MYCBP2: variants seen among roughly 807,000 people sequenced by gnomAD.
The protein encoded by MYCBP2 is MYC binding protein 2.
In MYCBP2, 120 loss-of-function variants were observed where a neutral mutation model predicts 525.3. The observed-to-expected ratio is 0.23, with a 90% confidence interval of 0.20 to 0.27. The LOEUF (loss-of-function observed/expected upper bound fraction) is 0.27. Ranked by LOEUF, MYCBP2 falls within the 10% of genes least tolerant of loss-of-function variation. The probability of loss-of-function intolerance (pLI) is 1.00; values close to 1 mark genes in which losing one functional copy is unlikely to be tolerated. For synonymous variants in MYCBP2, 1,894 were observed against 1,955.8 expected, an observed-to-expected ratio of 0.97 and a Z score of 0.83; for missense variants, 4,149 against 5,657.1, an observed-to-expected ratio of 0.73 and a Z score of 8.55.
chr13:77,228,766 C>T lies in MYCBP2; in HGVS notation c.2738-3212G>A, dbSNP rs180970749. Among the ~76,000 whole-genome samples the T allele has an allele frequency of 3.0e-4, 45 of 150,952 alleles. No individual in the cohort carries two copies. In the East Asian group the frequency reaches 7.6e-3, roughly 25 times the overall value. On this transcript the variant is annotated intron_variant, in intron 18 of 82. Transcript: ENST00000544440. ...ACTGAAACTACAGTAGCTACAAAGC[C>T]TTGGCAACTATGTAACTAAAATATT...
chr13:77,251,010 T>C, intron 15 of MYCBP2, 141 bp downstream of exon 15: 2 of 572,218 alleles, frequency 3.5e-6, no homozygotes, highest in South Asian at 2.7e-5. Context: ...TTATAATACT[T>C]TCTTGGCCTT....
At chr13:77,187,692 C>CA (rs1421734553) in intron 30 of MYCBP2, among the ~76,000 whole-genome samples, 2 of 152,116 alleles carry the variant, frequency 1.3e-5, no homozygotes, top group African/African-American at 4.8e-5. Flanking sequence ...AAGAAACAAG[C>CA]AAGCATGTTG....
intron 58 of MYCBP2, among the ~76,000 whole-genome samples, chr13:77,095,065 C>T (rs903877181): frequency 6.6e-6 from 1 of 152,138 alleles, no homozygotes; most frequent in South Asian, 2.1e-4. Flanking sequence ...TTCGCACTAA[C>T]AGAGTGAAGT....
intron 14 of MYCBP2, among the ~76,000 whole-genome samples, chr13:77,251,809 A>C (rs1419198387): frequency 6.6e-6 from 1 of 152,160 alleles, no homozygotes; most frequent in African/African-American, 2.4e-5. Flanking sequence ...TCTTCAGAAG[A>C]ACAAAACTCA....
chr13:77,061,870 C>CA, intron 74 of MYCBP2, 80 bp from the exon 75 acceptor site: 1 of 1,332,202 alleles, frequency 7.5e-7, no homozygotes, highest in East Asian at 2.6e-5. Flanking sequence ...AATTTATTTA[C>CA]AAAAATAAAC....
chr13:77,304,934 T>A (rs2079220155), intron 1 of MYCBP2, among the ~76,000 whole-genome samples: 1 of 151,652 alleles, frequency 6.6e-6, no homozygotes, highest in Non-Finnish European at 1.5e-5. Context: ...AAATGTAACT[T>A]CTCAACATTA....
rs1418819949 is a variant in MYCBP2, at chr13:77,217,941, C to T, written c.2956G>A (p.Val986Ile). ...DVNSRGCPTL[V>I]QALPGPSTQV... ...GTGCTAGGGCCTGGCAATGCTTGAA[C>T]AAGAGTGGGACATCCCCTAGGTTAA... The change falls in exon 21 of 83, where the codon GTT becomes ATT. Residue 986 changes from valine (V) to isoleucine (I), a missense_variant. Val to Ile is a conservative substitution (Grantham distance 29, BLOSUM62 3). Coordinates refer to ENST00000544440, the MANE Select transcript of MYCBP2 (RefSeq NM_015057.5). The T allele has an allele frequency of 2.4e-5, 39 of 1,600,680 alleles. No individual in the cohort carries two copies. Among genetic ancestry groups the T allele is most frequent in the Non-Finnish European group, 3.3e-5 (39 of 1,173,960 alleles).
intron 52 of MYCBP2, among the ~76,000 whole-genome samples, chr13:77,130,107 ATC>A (rs1431555168): frequency 3.3e-5 from 5 of 151,802 alleles, no homozygotes; most frequent in Admixed American, 2.6e-4. Context: ...ATCTATATTT[ATC>A]TGATTTGAAA....
intron 55 of MYCBP2, among the ~76,000 whole-genome samples, chr13:77,117,615 T>C (rs1223207502): frequency 6.6e-6 from 1 of 152,142 alleles, no homozygotes; most frequent in Non-Finnish European, 1.5e-5. Flanking sequence ...GCTGAAACTT[T>C]CATAAACTAG....
intron 24 of MYCBP2, 73 bp from the exon 25 acceptor site, chr13:77,205,671 T>C (rs1300497997): frequency 7.9e-7 from 1 of 1,271,656 alleles, no homozygotes; most frequent in African/African-American, 1.5e-5. Flanking sequence ...CATTAAATGC[T>C]ATAGGGGATA....
chr13:77,287,109 G>C (rs760017400), intron 3 of MYCBP2, among the ~76,000 whole-genome samples: 18 of 150,730 alleles, frequency 1.2e-4, no homozygotes, highest in Admixed American at 9.2e-4. Flanking sequence ...GGATGGTCTC[G>C]ATCTCCTGAC....
intron 34 of MYCBP2, among the ~76,000 whole-genome samples, chr13:77,178,767 C>T (rs1172530572): frequency 6.6e-6 from 1 of 152,118 alleles, no homozygotes; most frequent in East Asian, 1.9e-4. Flanking sequence ...TGTGGGAACT[C>T]CCAAAGTTGT....
Position 77,081,528 on chromosome 13 carries a change from C to G in MYCBP2, c.11317G>C (p.Asp3773His), listed in dbSNP as rs908440516. Residue 3773 changes from aspartate (D) to histidine (H), a missense_variant, in exon 65 of 83, where the codon GAT (aspartate) becomes CAT (histidine). Transcript: ENST00000544440. This position sits in a 1 kb window ranked among gnomAD's most constrained non-coding sequence, Gnocchi z 4.6. ...TTCTTAGTTTTGTTTTTATCTTCAT[C>G]TCCTGATTCCCAAAAGGTTTCTGTG... The part of the protein sequence containing the change: ...GSTETFWESG[D>H]EDKNKTKNIT... The G allele has an allele frequency of 6.2e-7, 1 of 1,613,726 alleles. No homozygotes were observed. The highest frequency in any genetic ancestry group is 8.5e-7 in the Non-Finnish European group (1 of 1,179,872).
intron 81 of MYCBP2, 49 bp from the exon 82 acceptor site, chr13:77,051,211 C>T (rs1391964597): frequency 7.9e-6 from 12 of 1,522,646 alleles, no homozygotes; most frequent in Non-Finnish European, 1.1e-5. Flanking sequence ...GAGACTATTT[C>T]AATCACACTT....
chr13:77,166,610 A>C, intron 40 of MYCBP2, 56 bp from the exon 41 acceptor site: 1 of 1,207,932 alleles, frequency 8.3e-7, no homozygotes, highest in Non-Finnish European at 1.2e-6. Context: ...ACAAACATAC[A>C]CATCTGCATC....
chr13:77,139,124 CTTAA>C, intron 52 of MYCBP2, 68 bp downstream of exon 52: 2 of 1,502,120 alleles, frequency 1.3e-6, no homozygotes, highest in Non-Finnish European at 1.8e-6. Context: ...ACTGAAAAGC[CTTAA>C]TTAAAGAAAG....
intron 44 of MYCBP2, among the ~76,000 whole-genome samples, chr13:77,159,592 G>A (rs2057630277): frequency 6.6e-6 from 1 of 152,164 alleles, no homozygotes; most frequent in South Asian, 2.1e-4. Flanking sequence ...AATCATGGGG[G>A]CAGACTTCCC....
chr13:77,191,921 T>C (rs953800349), intron 27 of MYCBP2, 108 bp from the exon 28 acceptor site: 24 of 1,059,326 alleles, frequency 2.3e-5, no homozygotes, highest in Non-Finnish European at 3.1e-5. Flanking sequence ...AACTGTATTA[T>C]AAAATTCTTA....
chr13:77,257,078 G>T (rs1293262775), intron 14 of MYCBP2, among the ~76,000 whole-genome samples: 1 of 152,078 alleles, frequency 6.6e-6, no homozygotes, highest in African/African-American at 2.4e-5. Flanking sequence ...CCTATCATTT[G>T]CAACAACAAG....
Sources: gnomAD v4.1 joint callset for allele counts (sites outside exome capture counted in the v4.1 genomes callset) on GRCh38, gnomAD v4.1.1 for gene constraint, Gnocchi (gnomAD v3.1) non-coding constraint, MANE v1.5 for transcripts, NCBI Gene and HGNC (gene_info 2026-07-23, HGNC 2026-07-21) for gene names.